The following ZFAT variants were observed in gnomAD, a reference collection of about 807,000 sequenced individuals.
The protein encoded by ZFAT is zinc finger and AT-hook domain containing, also known as zinc finger protein ZFAT.
In ZFAT, 64 loss-of-function variants were observed where a neutral mutation model predicts 117.7. The observed-to-expected ratio is 0.54, with a 90% confidence interval of 0.44 to 0.67. The LOEUF (loss-of-function observed/expected upper bound fraction) is 0.67, where lower values mean the gene tolerates loss of function less well. ZFAT is among the 30% of genes least tolerant of loss of function. The pLI is 0.00. For missense variants in ZFAT, 1,433 were observed against 1,584.5 expected (o/e 0.90, Z 1.62); for synonymous variants, 679 against 615.0 (o/e 1.10, Z -1.54).
At chr8:134,632,667 C>T (rs553149936) in intron 3 of ZFAT, among the ~76,000 whole-genome samples, 13 of 151,934 alleles carry the variant, frequency 8.6e-5, no homozygotes, top group Admixed American at 5.2e-4. Flanking sequence ...TTTGACAATA[C>T]GATACAAACA....
At chr8:134,522,360 A>C (rs1305751964) in intron 12 of ZFAT, among the ~76,000 whole-genome samples, 1 of 152,154 alleles carries the variant, frequency 6.6e-6, no homozygotes, top group Non-Finnish European at 1.5e-5. Context: ...ACCATTTCAC[A>C]ATCTGTGGAG....
At chr8:134,709,554 G>A (rs1489384992) in intron 1 of ZFAT, among the ~76,000 whole-genome samples, 1 of 152,192 alleles carries the variant, frequency 6.6e-6, no homozygotes, top group Admixed American at 6.5e-5. Flanking sequence ...AAACAGCTGA[G>A]AAGAGAGGGA....
At chr8:134,677,186 T>C (rs1832846555) in intron 1 of ZFAT, among the ~76,000 whole-genome samples, 1 of 151,964 alleles carries the variant, frequency 6.6e-6, no homozygotes, top group Admixed American at 6.6e-5. Flanking sequence ...ACAAAATAGA[T>C]AGACTTCTAG....
chr8:134,655,735 T>C (rs1018493316), intron 2 of ZFAT, among the ~76,000 whole-genome samples: 2 of 152,178 alleles, frequency 1.3e-5, no homozygotes, highest in Admixed American at 1.3e-4. Context: ...AGCAAAGAAC[T>C]AAAAGCTTTG....
At chr8:134,653,270 T>TTTTAAAAA (rs1554615159) in intron 2 of ZFAT, among the ~76,000 whole-genome samples, 1 of 91,888 alleles carries the variant, frequency 1.1e-5, no homozygotes, top group Admixed American at 1.2e-4. Context: ...ATGTCTTTTT[T>TTTTAAAAA]AAAAAAAAAA....
At chr8:134,590,794 TCAC>T (rs34831588) in intron 7 of ZFAT, among the ~76,000 whole-genome samples, 27,864 of 148,786 alleles carry the variant, frequency 0.19, 2,679 homozygotes, top group Admixed American at 0.27. Flanking sequence ...ACTGCCACCA[TCAC>T]CACCACCACC....
intron 11 of ZFAT, among the ~76,000 whole-genome samples, chr8:134,536,347 C>G (rs543930204): frequency 1.9e-4 from 29 of 152,306 alleles, no homozygotes; most frequent in African/African-American, 6.3e-4. Context: ...AAAACATCCC[C>G]CAGCAGCCTT....
chr8:134,589,174 C>T (rs965577632), intron 8 of ZFAT, among the ~76,000 whole-genome samples: 5 of 152,174 alleles, frequency 3.3e-5, no homozygotes, highest in Admixed American at 6.5e-5. Flanking sequence ...TGTCTTACAT[C>T]TGTTCATCAG....
chr8:134,712,924 C>A lies in ZFAT; in HGVS notation c.-61G>T, dbSNP rs1488972330. Reference sequence around the variant, plus strand: ...GGCTCTTCCGGGCCCCCTCCCGTGCCGACCGAGGGGGCGGGGCGCCCTGCT... The same window carrying A: ...GGCTCTTCCGGGCCCCCTCCCGTGCAGACCGAGGGGGCGGGGCGCCCTGCT... On this transcript the variant is annotated 5_prime_UTR_variant, in exon 1 of 16. Transcript: ENST00000377838. 65 of 1,457,178 alleles carry A rather than the reference C, an allele frequency of 4.5e-5. No individual in the cohort carries two copies. The highest frequency in any genetic ancestry group is 6.0e-5 in the Admixed American group (2 of 33,558). 90.3% of individuals were successfully genotyped at this position (1,457,178 alleles called of 1,614,324 possible). A position where few individuals can be genotyped will look rare whatever the true frequency, so the allele number is the denominator to read the frequency against.
At chr8:134,746,422 C>A in the ZFAT span, among the ~76,000 whole-genome samples, 3 of 152,220 alleles carry the variant, frequency 2.0e-5, no homozygotes, top group African/African-American at 7.2e-5. Context: ...GATATGGATA[C>A]TATGGCTGTG....
At chr8:134,610,209 C>T (rs1439101716) in intron 4 of ZFAT, among the ~76,000 whole-genome samples, 1 of 152,224 alleles carries the variant, frequency 6.6e-6, no homozygotes, top group Non-Finnish European at 1.5e-5. Flanking sequence ...ACCACTACTC[C>T]AGCAGGAGCA....
At chr8:134,579,956 CA>C (rs149153004) in intron 10 of ZFAT, among the ~76,000 whole-genome samples, 1,695 of 115,008 alleles carry the variant, frequency 0.015, 21 homozygotes, top group African/African-American at 0.044. Flanking sequence ...ACACAGGGAA[CA>C]AAAAAAAAAA....
chr8:134,552,312 A>G (rs4909481), intron 11 of ZFAT, among the ~76,000 whole-genome samples: 52,501 of 152,080 alleles, frequency 0.35, 9,371 homozygotes, highest in East Asian at 0.67. Context: ...AACCAAATGA[A>G]TAGTTAGCAC....
At chr8:134,489,683 G>A (rs1817918010) in intron 15 of ZFAT, among the ~76,000 whole-genome samples, 1 of 152,076 alleles carries the variant, frequency 6.6e-6, no homozygotes, top group African/African-American at 2.4e-5. Flanking sequence ...CATCATCTCC[G>A]CCAGGCTCAT....
chr8:134,633,071 G>A (rs548999079), intron 3 of ZFAT, among the ~76,000 whole-genome samples: 71 of 151,650 alleles, frequency 4.7e-4, no homozygotes, highest in Middle Eastern at 6.8e-3. Flanking sequence ...ACGTATGCGC[G>A]TCAAAATGTA....
chr8:134,739,996 T>C, the ZFAT span, among the ~76,000 whole-genome samples: 13 of 152,306 alleles, frequency 8.5e-5, 1 homozygote, highest in South Asian at 2.7e-3. Context: ...AAGGTGAGTG[T>C]CTCCACCCTA....
chr8:134,513,307 C>T (rs1820000034), intron 13 of ZFAT, among the ~76,000 whole-genome samples: 1 of 151,680 alleles, frequency 6.6e-6, no homozygotes, highest in African/African-American at 2.4e-5. Flanking sequence ...AAGCGATTCT[C>T]CTGCCTCAGC....
At chr8:134,667,282 G>A (rs1332645876) in intron 1 of ZFAT, among the ~76,000 whole-genome samples, 1 of 152,094 alleles carries the variant, frequency 6.6e-6, no homozygotes, top group East Asian at 1.9e-4. Flanking sequence ...TCAGAGGTCA[G>A]GAGATCCAGA....
the ZFAT span, among the ~76,000 whole-genome samples, chr8:134,768,155 C>G: frequency 1.3e-5 from 2 of 152,150 alleles, no homozygotes; most frequent in Non-Finnish European, 2.9e-5. Flanking sequence ...AGTCTGTAAG[C>G]TCCATTTTTT....
Sources: allele counts gnomAD v4.1 joint callset (sites outside exome capture counted in the v4.1 genomes callset), GRCh38; gene constraint gnomAD v4.1.1; transcripts MANE v1.5; gene names NCBI Gene and HGNC (gene_info 2026-07-23, HGNC 2026-07-21).